GABRG2: variants seen among roughly 807,000 people sequenced by gnomAD.
GABRG2 encodes gamma-aminobutyric acid receptor subunit gamma-2.
In GABRG2, 16 loss-of-function variants were observed where a neutral mutation model predicts 56.4. The ratio of observed to expected loss-of-function variants is 0.28; its 90% CI spans 0.19 to 0.43. The LOEUF (loss-of-function observed/expected upper bound fraction) is 0.43. Among genes scored for constraint, GABRG2 ranks in the 20% least tolerant of loss-of-function variants. The pLI is 1.00. For synonymous variants in GABRG2, 208 were observed against 205.5 expected, an observed-to-expected ratio of 1.01 and a Z score of -0.10; for missense variants, 327 against 582.7, an observed-to-expected ratio of 0.56 and a Z score of 4.52.
At chr5:162,142,522 G>A (rs1350637935) in intron 7 of GABRG2, 5 of 524,248 alleles carry the variant, frequency 9.5e-6, no homozygotes, top group African/African-American at 3.8e-5. Flanking sequence ...ATGATAGACT[G>A]GATTAAGAAA....
At chr5:162,094,507 A>G (rs1176482219) in intron 2 of GABRG2, 1 of 161,346 alleles carries the variant, frequency 6.2e-6, no homozygotes, top group Non-Finnish European at 1.4e-5. Context: ...GCAGGTAGCT[A>G]GGACAACCCT....
chr5:162,121,806 G>C (rs933983218), intron 6 of GABRG2, among the ~76,000 whole-genome samples: 8 of 152,008 alleles, frequency 5.3e-5, no homozygotes, highest in Admixed American at 4.6e-4. Context: ...CAAATAGGGA[G>C]AAATTGGGTT....
chr5:162,108,440 T>A (rs928219369), intron 6 of GABRG2, among the ~76,000 whole-genome samples: 25 of 152,180 alleles, frequency 1.6e-4, no homozygotes, highest in Admixed American at 1.2e-3. Flanking sequence ...TCACATTGAA[T>A]CTCAATCTCT....
chr5:162,067,722 G>T, upstream of GABRG2: 2 of 609,444 alleles, frequency 3.3e-6, no homozygotes, highest in South Asian at 2.0e-5. Flanking sequence ...GTCTCTCCTT[G>T]TACCCTCCCC....
chr5:162,142,131 G>T, intron 6 of GABRG2, 33 bp from the exon 7 acceptor site: 1 of 1,610,224 alleles, frequency 6.2e-7, no homozygotes, highest in Non-Finnish European at 8.5e-7. Context: ...GATTGATAAA[G>T]GGTTGTATGG....
At chr5:162,145,190 T>C (rs1764865547) in intron 7 of GABRG2, among the ~76,000 whole-genome samples, 1 of 152,212 alleles carries the variant, frequency 6.6e-6, no homozygotes, top group South Asian at 2.1e-4. Flanking sequence ...TACTGGCTGT[T>C]TTCTGAGCAC....
At chr5:162,150,130 C>T (rs1249188635) in intron 8 of GABRG2, 1 of 154,760 alleles carries the variant, frequency 6.5e-6, no homozygotes, top group Admixed American at 6.3e-5. Context: ...AAATGATTTA[C>T]TATTATATGG....
At chr5:162,105,137 T>C (rs1037855240) in intron 6 of GABRG2, among the ~76,000 whole-genome samples, 2 of 152,150 alleles carry the variant, frequency 1.3e-5, no homozygotes, top group South Asian at 4.1e-4. Flanking sequence ...TTTTTGCGTA[T>C]GGAATAATTT....
Position 162,152,796 on chromosome 5 carries a change from T to G in GABRG2, c.1153-297T>G, listed in dbSNP as rs1191219046. 4 of 589,578 alleles carry G rather than the reference T, an allele frequency of 6.8e-6. No homozygotes were observed. In the African/African-American group the frequency reaches 7.5e-5, roughly 11 times the overall value. The allele number at this position is 589,578 out of a possible 1,614,324, so 36.5% of individuals were successfully genotyped here. ...ACATCTAATACTTACTAGAATAAGATTCCATGTAATTTGATTTAAATATTT... is the reference window on the plus strand; with the variant it reads ...ACATCTAATACTTACTAGAATAAGAGTCCATGTAATTTGATTTAAATATTT... On this transcript the variant is annotated intron_variant, in intron 9 of 9. Transcript: ENST00000639213.
intron 7 of GABRG2, among the ~76,000 whole-genome samples, chr5:162,147,615 C>T (rs536541764): frequency 6.6e-5 from 10 of 152,230 alleles, no homozygotes; most frequent in South Asian, 2.1e-4. Flanking sequence ...CCACCCACCT[C>T]GGCCTCCCAG....
At chr5:162,101,366 T>A in intron 5 of GABRG2, 49 bp downstream of exon 5, 1 of 1,205,480 alleles carries the variant, frequency 8.3e-7, no homozygotes, top group Non-Finnish European at 1.2e-6. Context: ...CTACAGTCTT[T>A]CTGATTGCCA....
chr5:162,107,991 T>C (rs1340233530), intron 6 of GABRG2, among the ~76,000 whole-genome samples: 1 of 152,196 alleles, frequency 6.6e-6, no homozygotes, highest in Non-Finnish European at 1.5e-5. Flanking sequence ...ACCTTAATTA[T>C]AAAAGCTAGC....
In GABRG2 at chr5:162,094,202, G is replaced by C. The variant is rs954649963; in HGVS notation, c.259+223G>C. 9 of 532,444 alleles carry C rather than the reference G, an allele frequency of 1.7e-5. No homozygotes were observed. In the African/African-American group the frequency reaches 1.7e-4, roughly 10 times the overall value. The allele number at this position is 532,444 out of a possible 1,614,324, so 33.0% of individuals were successfully genotyped here. A position where few individuals can be genotyped will look rare whatever the true frequency, so the allele number is the denominator to read the frequency against. ...ATTTTCAAGTGAAGCTTGAGAGCTA[G>C]AGTTAGAAATTCACATATTGCTAGA... On this transcript the variant is annotated intron_variant, in intron 2 of 9. Transcript: ENST00000639213.
intron 6 of GABRG2, among the ~76,000 whole-genome samples, chr5:162,116,536 G>A (rs1026136296): frequency 6.6e-6 from 1 of 151,758 alleles, no homozygotes; most frequent in Non-Finnish European, 1.5e-5. Context: ...ACTGACCAAA[G>A]CAAATCCCAA....
chr5:162,102,836 T>G, intron 5 of GABRG2: 1 of 229,524 alleles, frequency 4.4e-6, no homozygotes, highest in Non-Finnish European at 9.0e-6. Flanking sequence ...CTCTTTTTTT[T>G]CCTCCCTCTT....
At chr5:162,128,630 G>A (rs1312288474) in intron 6 of GABRG2, among the ~76,000 whole-genome samples, 1 of 151,872 alleles carries the variant, frequency 6.6e-6, no homozygotes, top group African/African-American at 2.4e-5. Flanking sequence ...CTATCATATG[G>A]TTATCTATGA....
chr5:162,093,468 A>G (rs571135713), intron 1 of GABRG2, among the ~76,000 whole-genome samples: 12 of 152,238 alleles, frequency 7.9e-5, no homozygotes, highest in Admixed American at 7.9e-4. Flanking sequence ...TTATACCTGA[A>G]TTCTTAGACT....
At position 162,091,145 on chromosome 5, in the gene GABRG2, C is replaced by A. The variant is rs193290666; in HGVS notation, c.108-2683C>A. On this transcript the variant is annotated intron_variant, in intron 1 of 9. Coordinates refer to ENST00000639213, the MANE Select transcript of GABRG2 (RefSeq NM_198904.4). ...ATGTAGATGGCCATTATTTTTCTTCCTGAAAAACATTTGTTTTTAGTTCTC... is the reference window on the plus strand; with the variant it reads ...ATGTAGATGGCCATTATTTTTCTTCATGAAAAACATTTGTTTTTAGTTCTC... 4.2e-3 allele frequency among the ~76,000 whole-genome samples: 637 copies of A among 151,768 alleles called. 4 individuals are homozygous for A. The highest frequency in any genetic ancestry group is 0.014 in the African/African-American group (596 of 41,380).
rs184519007 is a variant in GABRG2, at chr5:162,145,731, A to T, written c.923-3377A>T. On this transcript the variant is annotated intron_variant, in intron 7 of 9. Coordinates refer to ENST00000639213, the MANE Select transcript of GABRG2 (RefSeq NM_198904.4). The stretch of plus-strand genomic sequence containing the variant: ...CCCAAATTATCACATGCCACATTTT[A>T]AAAAAATTAACTCATCTACAGTACC... Among the ~76,000 whole-genome samples, 588 of 152,286 alleles carry T rather than the reference A, an allele frequency of 3.9e-3. 3 individuals are homozygous for T. The highest frequency in any genetic ancestry group is 0.013 in the African/African-American group (524 of 41,568).
Sources: gnomAD v4.1 joint callset for allele counts (sites outside exome capture counted in the v4.1 genomes callset) on GRCh38, gnomAD v4.1.1 for gene constraint, MANE v1.5 for transcripts, NCBI Gene and HGNC (gene_info 2026-07-23, HGNC 2026-07-21) for gene names.